Variants in SLC30A4 observed in about 807,000 individuals in gnomAD.
SLC30A4 encodes solute carrier family 30 member 4, also known as probable proton-coupled zinc antiporter SLC30A4.
Under a neutral mutation model 41.7 loss-of-function variants are expected in SLC30A4, and 20 were observed. That is an observed-to-expected ratio of 0.48 (90% confidence interval 0.34 to 0.70). SLC30A4 has a LOEUF of 0.70. Ranked by LOEUF, SLC30A4 falls within the 30% of genes least tolerant of loss-of-function variation. The pLI, the probability that SLC30A4 is intolerant of heterozygous loss-of-function variation, is 0.01. For synonymous variants in SLC30A4, 181 were observed against 195.9 expected, an observed-to-expected ratio of 0.92 and a Z score of 0.64; for missense variants, 441 against 529.3, an observed-to-expected ratio of 0.83 and a Z score of 1.64.
chr15:45,491,555 C>T lies in SLC30A4; in HGVS notation c.539-674G>A, dbSNP rs927862207. ...CAGCCTAGGCAACATAGTGAGACTC[C>T]GTCTCTCTTGGTTTTTCCCTTCCCT... On this transcript the variant is annotated intron_variant, in intron 3 of 7. Coordinates refer to ENST00000261867, the MANE Select transcript of SLC30A4 (RefSeq NM_013309.6). Among the ~76,000 whole-genome samples, 43 of 152,138 alleles carry T rather than the reference C, an allele frequency of 2.8e-4. 1 individual carries two copies. The highest frequency in any genetic ancestry group is 5.9e-5 in the Non-Finnish European group (4 of 68,028).
At chr15:45,491,707 A>G (rs1293133846) in intron 3 of SLC30A4, among the ~76,000 whole-genome samples, 1 of 152,156 alleles carries the variant, frequency 6.6e-6, no homozygotes, top group Non-Finnish European at 1.5e-5. Flanking sequence ...ATCTCTAAAA[A>G]ACACATTAAA....
chr15:45,521,791 T>C (rs1164993336), intron 2 of SLC30A4, 173 bp downstream of exon 2: 1 of 613,050 alleles, frequency 1.6e-6, no homozygotes, highest in African/African-American at 1.8e-5. Flanking sequence ...GTTTATATTG[T>C]ACTTAGATTG....
At chr15:45,496,665 T>C (rs188005709) in intron 3 of SLC30A4, among the ~76,000 whole-genome samples, 1 of 152,026 alleles carries the variant, frequency 6.6e-6, no homozygotes, top group Non-Finnish European at 1.5e-5. Flanking sequence ...ACTTGAATGG[T>C]CATCTTTCAA....
In SLC30A4 at chr15:45,485,041, G is replaced by C. The variant is rs928861387; in HGVS notation, c.*122C>G. On this transcript the variant is annotated 3_prime_UTR_variant, in exon 8 of 8. Transcript: ENST00000261867. ...GTCAGGCTGGGGCAACTGTTTGAGA[G>C]ACTGATGCTTGATACGGACACAGCT... is the stretch of plus-strand genomic sequence containing the variant. 2 of 715,732 alleles carry C rather than the reference G, an allele frequency of 2.8e-6. No individual in the cohort carries two copies. Among genetic ancestry groups the C allele is most frequent in the Admixed American group, 3.0e-5 (1 of 33,578 alleles). 44.3% of individuals were successfully genotyped at this position (715,732 alleles called of 1,614,324 possible).
At chr15:45,485,597 A>T (rs1272319673) in intron 7 of SLC30A4, among the ~76,000 whole-genome samples, 1 of 152,180 alleles carries the variant, frequency 6.6e-6, no homozygotes, top group African/African-American at 2.4e-5. Context: ...AGTAAACCTC[A>T]TGCATGTATT....
In SLC30A4 at chr15:45,498,213, T is replaced by C. The variant is rs902462753; in HGVS notation, c.539-7332A>G. Among the ~76,000 whole-genome samples, 5 of 152,188 alleles carry C rather than the reference T, an allele frequency of 3.3e-5. No individual in the cohort carries two copies. The South Asian group carries it at 6.2e-4, about 19-fold the overall frequency. On this transcript the variant is annotated intron_variant, in intron 3 of 7. Transcript: ENST00000261867. The stretch of plus-strand genomic sequence containing the variant: ...AGGAGAGTGGAGCTATATCCTCTCT[T>C]CTAATTCCTTTTGTGCTATTTTTCT...
At chr15:45,505,991 G>C (rs943583714) in intron 3 of SLC30A4, among the ~76,000 whole-genome samples, 2 of 152,030 alleles carry the variant, frequency 1.3e-5, no homozygotes, top group Admixed American at 6.6e-5. Flanking sequence ...ACCAGCCTGG[G>C]AAACAGGCTG....
rs1179081596 is a variant in SLC30A4 at position 45,489,053 on chromosome 15, TAAAAG to T, written c.693-16_693-12del. ...AACAGAAACCCCATTCTGTTAAAAA[TAAAAG>T]AAAACATTATTATTTTTCCCAATAT... On this transcript the variant is annotated splice_polypyrimidine_tract_variant and intron_variant, in intron 4 of 7. Transcript: ENST00000261867. The T allele has an allele frequency of 1.9e-6, 3 of 1,586,908 alleles. No homozygotes were observed. The highest frequency in any genetic ancestry group is 1.4e-5 in the African/African-American group (1 of 73,890).
intron 3 of SLC30A4, among the ~76,000 whole-genome samples, chr15:45,493,695 G>A (rs754386876): frequency 6.6e-5 from 10 of 152,004 alleles, no homozygotes; most frequent in African/African-American, 9.7e-5. Flanking sequence ...GCGTGGTGGC[G>A]GGCCCCTGTA....
At chr15:45,485,877 CTGGCTAATTTTTGTATTTT>C (rs1209956261) in intron 7 of SLC30A4, among the ~76,000 whole-genome samples, 3 of 151,788 alleles carry the variant, frequency 2.0e-5, no homozygotes, top group Non-Finnish European at 4.4e-5. Flanking sequence ...GTCACCACGA[CTGGCTAATTTTTGTATTTT>C]TTAGTAGAGA....
intron 2 of SLC30A4, among the ~76,000 whole-genome samples, chr15:45,521,638 G>A (rs1892669969): frequency 2.0e-5 from 3 of 152,012 alleles, no homozygotes; most frequent in Admixed American, 6.6e-5. Context: ...TATTTTAAAC[G>A]TTGCGAAAAT....
intron 2 of SLC30A4, chr15:45,515,728 T>C (rs1382451836): frequency 1.3e-5 from 2 of 151,510 alleles, no homozygotes; most frequent in African/African-American, 4.8e-5. Flanking sequence ...GAAGCTTTTT[T>C]CGTTACCCTG....
At chr15:45,498,441 G>T (rs537866267) in intron 3 of SLC30A4, among the ~76,000 whole-genome samples, 2 of 152,274 alleles carry the variant, frequency 1.3e-5, no homozygotes, top group African/African-American at 2.4e-5. Flanking sequence ...GATTAAGGAT[G>T]CTCAACCTGT....
At chr15:45,489,481 C>T (rs575084627) in intron 4 of SLC30A4, among the ~76,000 whole-genome samples, 88 of 151,602 alleles carry the variant, frequency 5.8e-4, no homozygotes, top group Non-Finnish European at 1.0e-3. Flanking sequence ...AAAATGTGCT[C>T]TGTGTACTTG....
Position 45,480,620 on chromosome 15 carries a change from A to G in SLC30A4, c.*4543T>C, listed in dbSNP as rs1279142351. ...TCTTCTATCTAGGAAACACTCTGTA[A>G]CTTTAAATTTGCTATATACAAATCA... On this transcript the variant is annotated 3_prime_UTR_variant, in exon 8 of 8. Coordinates refer to ENST00000261867, the MANE Select transcript of SLC30A4 (RefSeq NM_013309.6). 2.6e-5 allele frequency: 4 copies of G among 152,198 alleles called. No homozygotes were observed. The highest frequency in any genetic ancestry group is 5.9e-5 in the Non-Finnish European group (4 of 68,038). The allele number at this position is 152,198 out of a possible 1,614,324, so 9.4% of individuals were successfully genotyped here.
At chr15:45,511,815 G>A (rs1421830646) in intron 2 of SLC30A4, among the ~76,000 whole-genome samples, 1 of 152,166 alleles carries the variant, frequency 6.6e-6, no homozygotes, top group East Asian at 1.9e-4. Context: ...CATGCTGCAA[G>A]GAGTCAATGA....
Position 45,488,926 on chromosome 15 carries a change from G to A in SLC30A4, c.809C>T (p.Ala270Val). The change falls in exon 5 of 8, where the codon GCA becomes GTA. Residue 270 changes from alanine (A) to valine (V), a missense_variant. Ala to Val is a moderately conservative substitution (Grantham distance 64, BLOSUM62 0). Transcript: ENST00000261867. ...CERNHGQDSL[A>V]VRAAFVHALG... Reference sequence around the variant, plus strand: ...AGCATGTACAAATGCAGCTCTCACTGCCAGGCTATCCTGCCCATGGTTACG... The same window carrying A: ...AGCATGTACAAATGCAGCTCTCACTACCAGGCTATCCTGCCCATGGTTACG... 6.2e-7 allele frequency: 1 copy of A among 1,614,118 alleles called. No homozygotes were observed. The highest frequency in any genetic ancestry group is 8.5e-7 in the Non-Finnish European group (1 of 1,180,000).
At chr15:45,499,102 A>T (rs1009445217) in intron 3 of SLC30A4, among the ~76,000 whole-genome samples, 42 of 113,230 alleles carry the variant, frequency 3.7e-4, no homozygotes, top group Admixed American at 7.7e-4. Flanking sequence ...TTTTTTTTTG[A>T]GACGGAGTCT....
chr15:45,496,749 A>T, intron 3 of SLC30A4, among the ~76,000 whole-genome samples: 1 of 151,972 alleles, frequency 6.6e-6, no homozygotes, highest in East Asian at 1.9e-4. Flanking sequence ...CAATCCCTGC[A>T]CTTTGGGAAG....
Sources: gnomAD v4.1 joint callset for allele counts (sites outside exome capture counted in the v4.1 genomes callset) on GRCh38, gnomAD v4.1.1 for gene constraint, MANE v1.5 for transcripts, NCBI Gene and HGNC (gene_info 2026-07-23, HGNC 2026-07-21) for gene names.